PAX5: variants seen among roughly 807,000 people sequenced by gnomAD.
PAX5 encodes the protein paired box 5, also known as paired box protein Pax-5.
A neutral mutation model predicts 43.7 loss-of-function variants in PAX5; 9 were observed. The observed-to-expected ratio is 0.21, with a 90% CI of 0.12 to 0.36. The LOEUF (loss-of-function observed/expected upper bound fraction) is 0.36. Among genes scored for constraint, PAX5 ranks in the 10% least tolerant of loss-of-function variants. The pLI, the probability that PAX5 is intolerant of heterozygous loss-of-function variation, is 1.00. For missense variants in PAX5, 383 were observed against 532.7 expected (o/e 0.72, Z 2.77); for synonymous variants, 228 against 214.3 (o/e 1.06, Z -0.56).
chr9:37,011,831 T>C (rs1468255029), intron 3 of PAX5, among the ~76,000 whole-genome samples: 6 of 152,086 alleles, frequency 3.9e-5, no homozygotes, highest in African/African-American at 1.4e-4. Flanking sequence ...CCCAGCTGTT[T>C]GAAATCAGAA....
At chr9:36,891,387 C>T (rs1827362989) in intron 7 of PAX5, among the ~76,000 whole-genome samples, 1 of 152,262 alleles carries the variant, frequency 6.6e-6, no homozygotes, top group Non-Finnish European at 1.5e-5. Context: ...ATTCATCCTG[C>T]TACGCACACG....
At chr9:36,967,384 G>C (rs1189284686) in intron 5 of PAX5, among the ~76,000 whole-genome samples, 4 of 152,198 alleles carry the variant, frequency 2.6e-5, no homozygotes, top group Non-Finnish European at 5.9e-5. Flanking sequence ...TTACACATGT[G>C]AGAAGTGATG....
chr9:36,840,008 T>C lies in PAX5; in HGVS notation c.*552A>G, dbSNP rs1821915792. ...GGGCCCAAGGGCAGCATCCTCCATCTTGAGGACAGCTCTGAGCGCACCTGC... is the reference window on the plus strand; with the variant it reads ...GGGCCCAAGGGCAGCATCCTCCATCCTGAGGACAGCTCTGAGCGCACCTGC... On this transcript the variant is annotated 3_prime_UTR_variant, in exon 10 of 10. Coordinates refer to ENST00000358127, the MANE Select transcript of PAX5 (RefSeq NM_016734.3). 1 of 239,184 alleles carries C rather than the reference T, an allele frequency of 4.2e-6. No individual in the cohort carries two copies. The highest frequency in any genetic ancestry group is 2.2e-5 in the African/African-American group (1 of 45,342). The allele number at this position is 239,184 out of a possible 1,614,324, so 14.8% of individuals were successfully genotyped here. A position where few individuals can be genotyped will look rare whatever the true frequency, so the allele number is the denominator to read the frequency against.
chr9:37,000,574 A>C (rs779684668), intron 5 of PAX5, among the ~76,000 whole-genome samples: 6 of 152,198 alleles, frequency 3.9e-5, no homozygotes, highest in Non-Finnish European at 7.3e-5. Context: ...GCAACATATC[A>C]AAACACCGTG....
In PAX5 at chr9:37,001,810, C is replaced by CTTTT. The variant is rs3073720; in HGVS notation, c.604+834_604+837dup. 7.3e-3 allele frequency among the ~76,000 whole-genome samples: 645 copies of CTTTT among 87,968 alleles called. 60 individuals are homozygous for CTTTT. The highest frequency in any genetic ancestry group is 0.026 in the African/African-American group (585 of 22,286). 57.7% of individuals were successfully genotyped at this position (87,968 alleles called of 152,430 possible). A position where few individuals can be genotyped will look rare whatever the true frequency, so the allele number is the denominator to read the frequency against. ...CTCAGGCCCTAGACCACAGCTCTGG[C>CTTTT]TTTTTTTTTTTTTTTTTTTTTTTTC... On this transcript the variant is annotated intron_variant, in intron 5 of 9. Coordinates refer to ENST00000358127, the MANE Select transcript of PAX5 (RefSeq NM_016734.3).
Position 36,881,741 on chromosome 9 carries a change from T to C in PAX5, c.1012+263A>G, listed in dbSNP as rs555444283. 6.6e-5 allele frequency among the ~76,000 whole-genome samples: 10 copies of C among 152,070 alleles called. No individual in the cohort carries two copies. In the East Asian group the frequency reaches 1.7e-3, roughly 27 times the overall value. Reference sequence around the variant, plus strand: ...CAGCCAGCCCCTGCACCCTCTGTGTTCAGACTCTGTACGTGGCCAACAAGG... The same window carrying C: ...CAGCCAGCCCCTGCACCCTCTGTGTCCAGACTCTGTACGTGGCCAACAAGG... On this transcript the variant is annotated intron_variant, in intron 8 of 9. Coordinates refer to ENST00000358127, the MANE Select transcript of PAX5 (RefSeq NM_016734.3).
intron 8 of PAX5, among the ~76,000 whole-genome samples, chr9:36,871,237 C>A (rs977566104): frequency 1.1e-4 from 16 of 152,212 alleles, no homozygotes; most frequent in Admixed American, 5.9e-4. Flanking sequence ...CTGTGCATAC[C>A]CGGGCTGCAG....
chr9:36,864,330 C>G (rs1474070493), intron 8 of PAX5: 1 of 154,402 alleles, frequency 6.5e-6, no homozygotes, highest in Non-Finnish European at 1.5e-5. Context: ...TAATTCTCCA[C>G]TAGAGCCTGA....
At chr9:36,853,505 T>C (rs1313038200) in intron 8 of PAX5, among the ~76,000 whole-genome samples, 1 of 151,660 alleles carries the variant, frequency 6.6e-6, no homozygotes, top group Non-Finnish European at 1.5e-5. Flanking sequence ...CCCCAATGGG[T>C]GAAAGAGCCC....
At chr9:36,855,207 C>T (rs1267242512) in intron 8 of PAX5, among the ~76,000 whole-genome samples, 6 of 152,360 alleles carry the variant, frequency 3.9e-5, no homozygotes, top group African/African-American at 1.2e-4. Flanking sequence ...CTGGGGGCCT[C>T]GAGACACATG....
intron 8 of PAX5, among the ~76,000 whole-genome samples, chr9:36,877,040 T>C (rs1219275693): frequency 1.3e-5 from 2 of 152,142 alleles, no homozygotes; most frequent in Admixed American, 6.5e-5. Context: ...AGCCTTCACT[T>C]GGAAATGAAG....
At chr9:36,995,322 C>T (rs1837301123) in intron 5 of PAX5, among the ~76,000 whole-genome samples, 1 of 152,222 alleles carries the variant, frequency 6.6e-6, no homozygotes, top group South Asian at 2.1e-4. Context: ...GGACAGCATT[C>T]CAGGTGGCAG....
Position 37,015,240 on chromosome 9 carries a change from G to T in PAX5, c.213-46C>A. The T allele has an allele frequency of 6.5e-7, 1 of 1,535,750 alleles. No individual in the cohort carries two copies. The highest frequency in any genetic ancestry group is 9.0e-7 in the Non-Finnish European group (1 of 1,109,940). ...AGCTTAGCCATGAGGAACCAGTAAA[G>T]TGGATATTGGCAACAAAATAACGGG... On this transcript the variant is annotated intron_variant, in intron 2 of 9. Transcript: ENST00000358127. The surrounding 1 kb of genome is among the most constrained non-coding windows in gnomAD (Gnocchi z 4.4).
intron 7 of PAX5, among the ~76,000 whole-genome samples, chr9:36,918,670 A>G (rs922197374): frequency 3.3e-5 from 5 of 152,094 alleles, no homozygotes; most frequent in Non-Finnish European, 5.9e-5. Flanking sequence ...CAAAAAAAAG[A>G]AGAAGAAGAT....
At chr9:36,928,870 A>G (rs1249646360) in intron 6 of PAX5, among the ~76,000 whole-genome samples, 1 of 152,226 alleles carries the variant, frequency 6.6e-6, no homozygotes, top group Non-Finnish European at 1.5e-5. Flanking sequence ...AGAATATTCA[A>G]ATTCCTTATC....
At chr9:36,856,053 G>T (rs1465486919) in intron 8 of PAX5, among the ~76,000 whole-genome samples, 1 of 152,158 alleles carries the variant, frequency 6.6e-6, no homozygotes, top group Non-Finnish European at 1.5e-5. Context: ...CCCTGCTGTT[G>T]GGTCTGGCTT....
intron 8 of PAX5, among the ~76,000 whole-genome samples, chr9:36,879,802 G>A (rs1470605894): frequency 6.6e-6 from 1 of 152,188 alleles, no homozygotes; most frequent in Non-Finnish European, 1.5e-5. Context: ...CGCGGCTTGG[G>A]GTCCATCTCC....
At chr9:36,941,138 G>T (rs1282151725) in intron 6 of PAX5, among the ~76,000 whole-genome samples, 1 of 152,220 alleles carries the variant, frequency 6.6e-6, no homozygotes, top group Non-Finnish European at 1.5e-5. Flanking sequence ...CAGCCGCTAA[G>T]CCAGCAGGCT....
At chr9:37,003,270 G>A (rs1031535855) in intron 4 of PAX5, among the ~76,000 whole-genome samples, 1 of 150,288 alleles carries the variant, frequency 6.7e-6, no homozygotes, top group Admixed American at 6.6e-5. Context: ...ACAAACTCAC[G>A]CGCACGGCTA....
Sources: gnomAD v4.1 joint callset for allele counts (sites outside exome capture counted in the v4.1 genomes callset) on GRCh38, gnomAD v4.1.1 for gene constraint, Gnocchi (gnomAD v3.1) non-coding constraint, MANE v1.5 for transcripts, NCBI Gene and HGNC (gene_info 2026-07-23, HGNC 2026-07-21) for gene names.